Variants in ROBO1 observed in about 807,000 individuals in gnomAD.
ROBO1 encodes roundabout guidance receptor 1.
Under a neutral mutation model 195.9 loss-of-function variants are expected in ROBO1, and 149 were observed. The observed-to-expected ratio is 0.76, with a 90% CI of 0.67 to 0.87. The LOEUF (loss-of-function observed/expected upper bound fraction) is 0.87. Among genes scored for constraint, ROBO1 ranks in the 40% least tolerant of loss-of-function variants. ROBO1 has a pLI of 0.00. For synonymous variants in ROBO1, 816 were observed against 733.2 expected (o/e 1.11, Z -1.82); for missense variants, 1,933 against 2,068.3 (o/e 0.93, Z 1.27).
At chr3:79,282,056 G>C (rs1418143419) in intron 2 of ROBO1, among the ~76,000 whole-genome samples, 1 of 152,140 alleles carries the variant, frequency 6.6e-6, no homozygotes, top group Admixed American at 6.6e-5. Flanking sequence ...CAAGGAGTTA[G>C]TAGTGGTCTA....
At chr3:79,260,182 A>C (rs111877007) in intron 2 of ROBO1, among the ~76,000 whole-genome samples, 14,127 of 151,742 alleles carry the variant, frequency 0.093, 1,290 homozygotes, top group African/African-American at 0.24. Context: ...CTAATTTAAA[A>C]CTGTCCTAAT....
chr3:79,588,808 C>G (rs1223820450), intron 2 of ROBO1, among the ~76,000 whole-genome samples: 1 of 151,578 alleles, frequency 6.6e-6, no homozygotes, highest in Non-Finnish European at 1.5e-5. Context: ...TTTCTGTATT[C>G]TTCAATCATG....
At chr3:79,390,608 C>T (rs1575762761) in intron 2 of ROBO1, among the ~76,000 whole-genome samples, 2 of 152,126 alleles carry the variant, frequency 1.3e-5, no homozygotes, top group East Asian at 3.9e-4. Flanking sequence ...GCTGAGCAGC[C>T]TTAGTAAGAG....
chr3:79,404,562 A>C (rs1378215234), intron 2 of ROBO1, among the ~76,000 whole-genome samples: 1 of 152,094 alleles, frequency 6.6e-6, no homozygotes, highest in Non-Finnish European at 1.5e-5. Context: ...CAAGAAAACA[A>C]AGTTGCTTTT....
In ROBO1 at chr3:79,250,997, G is replaced by T. The variant is rs369713820; in HGVS notation, c.89-125458C>A. Among the ~76,000 whole-genome samples, 333 of 152,302 alleles carry T rather than the reference G, an allele frequency of 2.2e-3. 1 individual carries two copies. Among genetic ancestry groups the T allele is most frequent in the African/African-American group, 7.0e-3 (293 of 41,568 alleles). ...TTGAAGCTGGAAGGCGGAGATTGCA[G>T]TGAACTGAGATCATGACATTGCACT... On this transcript the variant is annotated intron_variant, in intron 2 of 30. Coordinates refer to ENST00000464233, the MANE Select transcript of ROBO1 (RefSeq NM_002941.4).
At chr3:79,533,336 T>G (rs2107617709) in intron 2 of ROBO1, among the ~76,000 whole-genome samples, 1 of 152,332 alleles carries the variant, frequency 6.6e-6, no homozygotes, top group East Asian at 1.9e-4. Flanking sequence ...GTCTCATGAT[T>G]ATTTCACTTT....
At chr3:78,788,952 G>A (rs1471124004) in intron 4 of ROBO1, among the ~76,000 whole-genome samples, 2 of 152,130 alleles carry the variant, frequency 1.3e-5, no homozygotes, top group East Asian at 3.8e-4. Context: ...CAGGAGTGTA[G>A]AAAATTACCC....
At chr3:79,748,964 A>T (rs1703999946) in intron 1 of ROBO1, among the ~76,000 whole-genome samples, 1 of 152,202 alleles carries the variant, frequency 6.6e-6, no homozygotes, top group Non-Finnish European at 1.5e-5. Flanking sequence ...TACACAAAAA[A>T]AGTGGCAGTG....
At chr3:79,029,179 C>T (rs2078251758) in intron 3 of ROBO1, among the ~76,000 whole-genome samples, 1 of 152,042 alleles carries the variant, frequency 6.6e-6, no homozygotes, top group Non-Finnish European at 1.5e-5. Context: ...GGCCTAACAT[C>T]ATCTATTTCT....
At position 79,215,816 on chromosome 3, in the gene ROBO1, T is replaced by C. The variant is rs145999815; in HGVS notation, c.89-90277A>G. Among the ~76,000 whole-genome samples, 51 of 152,336 alleles carry C rather than the reference T, an allele frequency of 3.3e-4. No individual in the cohort carries two copies. The East Asian group carries it at 3.9e-3, about 12-fold the overall frequency. On this transcript the variant is annotated intron_variant, in intron 2 of 30. Coordinates refer to ENST00000464233, the MANE Select transcript of ROBO1 (RefSeq NM_002941.4). ...ATTTGCATTAACTCCATATCTTAAA[T>C]GCCATAAATGGGAAAGACATGGATG...
At chr3:79,301,800 A>G (rs1394909001) in intron 2 of ROBO1, among the ~76,000 whole-genome samples, 1 of 152,230 alleles carries the variant, frequency 6.6e-6, no homozygotes, top group Non-Finnish European at 1.5e-5. Context: ...TAAAGACATT[A>G]TGAATTGTGC....
intron 1 of ROBO1, among the ~76,000 whole-genome samples, chr3:79,602,012 G>T (rs1944354124): frequency 1.3e-5 from 2 of 151,960 alleles, no homozygotes; most frequent in Non-Finnish European, 2.9e-5. Context: ...TCTAAGCCAT[G>T]AGTAGATTGT....
intron 2 of ROBO1, among the ~76,000 whole-genome samples, chr3:79,304,350 TA>T (rs879650515): frequency 5.3e-5 from 8 of 151,968 alleles, no homozygotes; most frequent in African/African-American, 1.9e-4. Flanking sequence ...ACCTTTCAGT[TA>T]AAAAAAATAC....
At chr3:79,197,491 A>G (rs745964221) in intron 2 of ROBO1, among the ~76,000 whole-genome samples, 5 of 152,084 alleles carry the variant, frequency 3.3e-5, no homozygotes, top group Non-Finnish European at 5.9e-5. Context: ...CGGTGCCACA[A>G]TAAACATACG....
chr3:78,761,615 A>T (rs1304871636), intron 4 of ROBO1, among the ~76,000 whole-genome samples: 1 of 152,186 alleles, frequency 6.6e-6, no homozygotes, highest in Non-Finnish European at 1.5e-5. Context: ...CTTTTGACTT[A>T]CATGTACTAC....
chr3:79,203,034 C>T (rs1353354128), intron 2 of ROBO1, among the ~76,000 whole-genome samples: 1 of 152,086 alleles, frequency 6.6e-6, no homozygotes, highest in Non-Finnish European at 1.5e-5. Context: ...AAAAAAATAT[C>T]TACCTACCTC....
chr3:78,643,553 T>G (rs1402705508), intron 21 of ROBO1, among the ~76,000 whole-genome samples: 1 of 152,044 alleles, frequency 6.6e-6, no homozygotes, highest in Non-Finnish European at 1.5e-5. Context: ...TCTTGGCAAA[T>G]GGCAGGTGGG....
chr3:78,854,785 A>T (rs1356446267), intron 4 of ROBO1, among the ~76,000 whole-genome samples: 2 of 151,894 alleles, frequency 1.3e-5, no homozygotes, highest in African/African-American at 2.4e-5. Flanking sequence ...AAATTTGTCT[A>T]AAAAAATGCG....
At chr3:79,725,296 G>C (rs1000408550) in intron 1 of ROBO1, among the ~76,000 whole-genome samples, 4 of 134,860 alleles carry the variant, frequency 3.0e-5, no homozygotes, top group Non-Finnish European at 4.6e-5. Context: ...GCGCGATCTC[G>C]GCTCACTGCA....
Sources: gnomAD v4.1 joint callset for allele counts (sites outside exome capture counted in the v4.1 genomes callset) on GRCh38, gnomAD v4.1.1 for gene constraint, MANE v1.5 for transcripts, NCBI Gene and HGNC (gene_info 2026-07-23, HGNC 2026-07-21) for gene names.